The following GULP1 variants were observed in gnomAD, a reference collection of about 807,000 sequenced individuals.
GULP1 encodes GULP PTB domain containing engulfment adaptor 1.
In GULP1, 19 loss-of-function variants were observed where a neutral mutation model predicts 40.9. The ratio of observed to expected loss-of-function variants is 0.46; its 90% CI spans 0.32 to 0.68. GULP1 has a LOEUF of 0.68. GULP1 is among the 30% of genes least tolerant of loss of function. The pLI is 0.03. For synonymous variants in GULP1, 119 were observed against 117.6 expected (o/e 1.01, Z -0.08); for missense variants, 312 against 362.2 (o/e 0.86, Z 1.12).
chr2:188,337,489 C>T (rs2042428674), intron 1 of GULP1, among the ~76,000 whole-genome samples: 1 of 149,696 alleles, frequency 6.7e-6, no homozygotes, highest in African/African-American at 2.5e-5. Context: ...CAGGCTCTGT[C>T]AGTGAGCTAC....
chr2:188,419,896 A>G (rs1271123100), intron 2 of GULP1, among the ~76,000 whole-genome samples: 1 of 152,156 alleles, frequency 6.6e-6, no homozygotes, highest in African/African-American at 2.4e-5. Context: ...AGATAAGGGT[A>G]CAATGTCACT....
At chr2:188,543,998 C>T (rs147897016) in intron 7 of GULP1, among the ~76,000 whole-genome samples, 1 of 152,072 alleles carries the variant, frequency 6.6e-6, no homozygotes, top group Non-Finnish European at 1.5e-5. Context: ...CAGTGAGGAC[C>T]ATTCAACCCT....
rs568786042 is a variant in GULP1, at chr2:188,390,675, A to T, written c.-45+6786A>T. 2.6e-5 allele frequency among the ~76,000 whole-genome samples: 4 copies of T among 152,214 alleles called. No homozygotes were observed. The South Asian group carries it at 8.3e-4, about 32-fold the overall frequency. On this transcript the variant is annotated intron_variant, in intron 2 of 11. Transcript: ENST00000409830. Reference sequence around the variant, plus strand: ...TGCATTTGCTTTTGTGGTCTTAGTCATAAATTCTTTGCCTAGGCTGAAGTT... The same window carrying T: ...TGCATTTGCTTTTGTGGTCTTAGTCTTAAATTCTTTGCCTAGGCTGAAGTT...
chr2:188,568,449 G>C (rs1444328295), intron 7 of GULP1, among the ~76,000 whole-genome samples: 1 of 152,178 alleles, frequency 6.6e-6, no homozygotes, highest in Non-Finnish European at 1.5e-5. Flanking sequence ...GAAGAAATGA[G>C]CTTGTGGATG....
chr2:188,331,285 A>G (rs1033390649), intron 1 of GULP1, among the ~76,000 whole-genome samples: 1 of 152,182 alleles, frequency 6.6e-6, no homozygotes, highest in Non-Finnish European at 1.5e-5. Flanking sequence ...AGTTATCCAA[A>G]ATCTATTTGC....
At chr2:188,310,400 T>A (rs2037885067) in intron 1 of GULP1, among the ~76,000 whole-genome samples, 1 of 152,174 alleles carries the variant, frequency 6.6e-6, no homozygotes, top group African/African-American at 2.4e-5. Flanking sequence ...ATCAGGGTGA[T>A]GTTTAATTTA....
At chr2:188,578,130 C>T (rs1214655972) in intron 9 of GULP1, among the ~76,000 whole-genome samples, 1 of 151,648 alleles carries the variant, frequency 6.6e-6, no homozygotes, top group Admixed American at 6.6e-5. Context: ...ATTTTTATTG[C>T]CAGTGCAATT....
intron 1 of GULP1, among the ~76,000 whole-genome samples, chr2:188,346,542 G>T (rs986132884): frequency 1.3e-5 from 2 of 151,236 alleles, no homozygotes; most frequent in African/African-American, 4.9e-5. Flanking sequence ...GCCCAGGCTG[G>T]AGTGCAGTGG....
At chr2:188,551,031 C>A (rs1309486385) in intron 7 of GULP1, among the ~76,000 whole-genome samples, 1 of 151,366 alleles carries the variant, frequency 6.6e-6, no homozygotes, top group Non-Finnish European at 1.5e-5. Context: ...CAGGAGTGAC[C>A]AGCTGTAAAC....
chr2:188,424,651 T>A (rs1179173660), intron 2 of GULP1, among the ~76,000 whole-genome samples: 1 of 152,014 alleles, frequency 6.6e-6, no homozygotes, highest in Non-Finnish European at 1.5e-5. Context: ...AAAATTATAA[T>A]ATTTTGAATT....
intron 1 of GULP1, among the ~76,000 whole-genome samples, chr2:188,339,630 G>C (rs902633479): frequency 2.0e-5 from 3 of 152,092 alleles, no homozygotes; most frequent in African/African-American, 7.2e-5. Flanking sequence ...TTCCTGCATA[G>C]CCTGTAGAAC....
chr2:188,425,134 A>G (rs2056001410), intron 2 of GULP1, among the ~76,000 whole-genome samples: 1 of 152,064 alleles, frequency 6.6e-6, no homozygotes, highest in South Asian at 2.1e-4. Context: ...AAAAAACATC[A>G]CCACTGCCCA....
intron 2 of GULP1, among the ~76,000 whole-genome samples, chr2:188,458,576 TG>T (rs963219954): frequency 3.3e-5 from 5 of 152,296 alleles, no homozygotes; most frequent in Admixed American, 3.3e-4. Context: ...TATATATTTA[TG>T]GGGTACATGA....
chr2:188,594,761 A>G lies in GULP1; in HGVS notation c.*750A>G, dbSNP rs890409033. On this transcript the variant is annotated 3_prime_UTR_variant, in exon 12 of 12. Coordinates refer to ENST00000409830, the MANE Select transcript of GULP1 (RefSeq NM_016315.4). ...TCCAAATGAGATAAGTGATATTACT[A>G]TAACATCTAAGCATCATCTGATTTG... 2 of 151,910 alleles carry G rather than the reference A, an allele frequency of 1.3e-5. No individual in the cohort carries two copies. Among genetic ancestry groups the G allele is most frequent in the South Asian group, 2.1e-4 (1 of 4,826 alleles). The allele number at this position is 151,910 out of a possible 1,614,324, so 9.4% of individuals were successfully genotyped here. A position where few individuals can be genotyped will look rare whatever the true frequency, so the allele number is the denominator to read the frequency against.
intron 9 of GULP1, chr2:188,582,407 A>G (rs1375964109): frequency 2.1e-6 from 1 of 471,606 alleles, no homozygotes; most frequent in Non-Finnish European, 4.4e-6. Context: ...TTTCTGGCGT[A>G]GTAATGGTGA....
chr2:188,346,246 A>G (rs1181520352), intron 1 of GULP1, among the ~76,000 whole-genome samples: 1 of 152,174 alleles, frequency 6.6e-6, no homozygotes, highest in Non-Finnish European at 1.5e-5. Flanking sequence ...GATCAGTTGT[A>G]TTATAATAGG....
intron 1 of GULP1, among the ~76,000 whole-genome samples, chr2:188,304,642 ACCTGACTT>A (rs1185911708): frequency 6.6e-6 from 1 of 152,110 alleles, no homozygotes; most frequent in African/African-American, 2.4e-5. Context: ...CCTTTGAATT[ACCTGACTT>A]CCTAGATTCC....
At chr2:188,331,218 A>C (rs1009924020) in intron 1 of GULP1, among the ~76,000 whole-genome samples, 1 of 152,116 alleles carries the variant, frequency 6.6e-6, no homozygotes, top group African/African-American at 2.4e-5. Flanking sequence ...CAGGCCTTAG[A>C]AATAATCTCT....
chr2:188,585,390 C>G (rs1380616152), intron 10 of GULP1, among the ~76,000 whole-genome samples: 1 of 152,196 alleles, frequency 6.6e-6, no homozygotes, highest in Non-Finnish European at 1.5e-5. Context: ...GGGGCTTTAA[C>G]CCTACATTTC....
Sources: gnomAD v4.1 joint callset for allele counts (sites outside exome capture counted in the v4.1 genomes callset) on GRCh38, gnomAD v4.1.1 for gene constraint, MANE v1.5 for transcripts, NCBI Gene and HGNC (gene_info 2026-07-23, HGNC 2026-07-21) for gene names.